SOX5: variants seen among roughly 807,000 people sequenced by gnomAD.
SOX5 encodes the protein SRY-box transcription factor 5.
In SOX5, 9 loss-of-function variants were observed where a neutral mutation model predicts 92.0. The observed-to-expected ratio is 0.10, with a 90% CI of 0.06 to 0.17. The LOEUF (loss-of-function observed/expected upper bound fraction) is 0.17. SOX5 is among the 10% of genes least tolerant of loss of function. The pLI is 1.00. For synonymous variants in SOX5, 344 were observed against 336.3 expected (o/e 1.02, Z -0.25); for missense variants, 642 against 944.5 (o/e 0.68, Z 4.20).
intron 2 of SOX5, among the ~76,000 whole-genome samples, chr12:23,849,280 A>C (rs7138717): frequency 0.11 from 16,326 of 152,266 alleles, 1,206 homozygotes; most frequent in African/African-American, 0.2. Context: ...CATACTTAGA[A>C]ACATTACATT....
intron 6 of SOX5, among the ~76,000 whole-genome samples, chr12:23,710,811 G>A (rs1310361939): frequency 4.6e-5 from 7 of 152,196 alleles, no homozygotes; most frequent in South Asian, 2.1e-4. Context: ...TTGAGGAATC[G>A]CCACACTGTC....
intron 4 of SOX5, among the ~76,000 whole-genome samples, chr12:24,025,905 A>G (rs1954819592): frequency 6.6e-6 from 1 of 152,008 alleles, no homozygotes; most frequent in Non-Finnish European, 1.5e-5. Flanking sequence ...AAACACAGGA[A>G]CTCTGTAAGC....
intron 1 of SOX5, among the ~76,000 whole-genome samples, chr12:24,379,876 C>CTTTTT (rs10652256): frequency 0.22 from 30,095 of 139,554 alleles, 3,647 homozygotes; most frequent in African/African-American, 0.26. Flanking sequence ...CCAGAAGATT[C>CTTTTT]TTTTTTTTTT....
intron 1 of SOX5, among the ~76,000 whole-genome samples, chr12:24,459,356 A>G (rs899622426): frequency 6.6e-6 from 1 of 152,134 alleles, no homozygotes; most frequent in African/African-American, 2.4e-5. Context: ...TCAAAGCTCA[A>G]AGCTAGGTGC....
At chr12:24,443,641 T>C (rs1056406739) in intron 1 of SOX5, among the ~76,000 whole-genome samples, 4 of 152,242 alleles carry the variant, frequency 2.6e-5, no homozygotes, top group Non-Finnish European at 4.4e-5. Flanking sequence ...AGTTTAGAGA[T>C]GTTTGATAAA....
chr12:24,138,199 A>G (rs1736297668), intron 4 of SOX5, among the ~76,000 whole-genome samples: 1 of 152,234 alleles, frequency 6.6e-6, no homozygotes, highest in Non-Finnish European at 1.5e-5. Context: ...CAACTCAGAG[A>G]ACGGAGGCGT....
intron 4 of SOX5, among the ~76,000 whole-genome samples, chr12:24,087,354 ACATT>A (rs1272162748): frequency 2.0e-5 from 3 of 152,100 alleles, no homozygotes; most frequent in African/African-American, 7.2e-5. Context: ...TGTTACACGT[ACATT>A]CAAAGGAATA....
intron 4 of SOX5, among the ~76,000 whole-genome samples, chr12:24,112,659 T>C (rs1418514867): frequency 1.3e-5 from 2 of 151,008 alleles, no homozygotes; most frequent in Non-Finnish European, 2.9e-5. Context: ...GCCTCCTGAG[T>C]AGCTGGGACT....
At chr12:23,950,942 C>A, upstream of SOX5, 1 of 1,396,020 alleles carries the variant, frequency 7.2e-7, no homozygotes, top group South Asian at 1.2e-5. Context: ...ACACACTTAC[C>A]AACAGGAGAT....
chr12:24,243,195 A>G (rs1937827262), intron 3 of SOX5, among the ~76,000 whole-genome samples: 1 of 152,198 alleles, frequency 6.6e-6, no homozygotes, highest in African/African-American at 2.4e-5. Flanking sequence ...TAGCTCATTT[A>G]CCTGATCCTA....
intron 4 of SOX5, among the ~76,000 whole-genome samples, chr12:24,093,759 T>C (rs965942581): frequency 6.6e-6 from 1 of 151,458 alleles, no homozygotes; most frequent in Non-Finnish European, 1.5e-5. Context: ...GGAGCTGATA[T>C]GCTGGTCCTA....
Position 24,534,340 on chromosome 12 carries a change from G to C in SOX5, c.-251+27989C>G, listed in dbSNP as rs756149586. Among the ~76,000 whole-genome samples the C allele has an allele frequency of 2.0e-5, 3 of 151,662 alleles. No homozygotes were observed. In the South Asian group the frequency reaches 6.2e-4, roughly 32 times the overall value. ...AAAAGTGACCAAACTCTTAGACCATGGTGGTAGAAAGTCTTCTTTCTTTGA... is the reference window on the plus strand; with the variant it reads ...AAAAGTGACCAAACTCTTAGACCATCGTGGTAGAAAGTCTTCTTTCTTTGA... On this transcript the variant is annotated intron_variant, in intron 1 of 4. Transcript: ENST00000446891.
intron 3 of SOX5, among the ~76,000 whole-genome samples, chr12:23,783,731 C>T (rs1183913182): frequency 6.6e-6 from 1 of 152,094 alleles, no homozygotes; most frequent in Admixed American, 6.5e-5. Flanking sequence ...TAACTTTACC[C>T]AAATTTTAGG....
intron 3 of SOX5, among the ~76,000 whole-genome samples, chr12:24,215,329 G>A (rs953065430): frequency 8.6e-5 from 13 of 152,034 alleles, no homozygotes; most frequent in African/African-American, 1.9e-4. Flanking sequence ...TGTAGATAAC[G>A]TTATCATTTT....
At chr12:23,591,700 T>C (rs947088711) in intron 9 of SOX5, among the ~76,000 whole-genome samples, 8 of 152,146 alleles carry the variant, frequency 5.3e-5, no homozygotes, top group Non-Finnish European at 1.0e-4. Flanking sequence ...TTGACCTGAA[T>C]ATTGAGCTCC....
chr12:23,697,816 G>T (rs1011527313), intron 6 of SOX5, among the ~76,000 whole-genome samples: 2 of 152,156 alleles, frequency 1.3e-5, no homozygotes, highest in Admixed American at 1.3e-4. Flanking sequence ...CTCCCAAAGT[G>T]CTGGGATTAC....
At chr12:23,680,811 C>T (rs2086500881) in intron 6 of SOX5, among the ~76,000 whole-genome samples, 1 of 151,944 alleles carries the variant, frequency 6.6e-6, no homozygotes, top group South Asian at 2.1e-4. Flanking sequence ...AATATCACAA[C>T]AGTAGTATTA....
chr12:23,582,479 G>A (rs1950180014), intron 9 of SOX5, among the ~76,000 whole-genome samples: 1 of 152,108 alleles, frequency 6.6e-6, no homozygotes, highest in African/African-American at 2.4e-5. Context: ...TACTCGCGTA[G>A]CCATCCCAAC....
intron 1 of SOX5, among the ~76,000 whole-genome samples, chr12:24,525,862 A>C (rs546298836): frequency 6.6e-6 from 1 of 152,040 alleles, no homozygotes; most frequent in African/African-American, 2.4e-5. Flanking sequence ...CTCAAAAAAA[A>C]AAAAGAGTAG....
Sources: allele counts gnomAD v4.1 joint callset (sites outside exome capture counted in the v4.1 genomes callset), GRCh38; gene constraint gnomAD v4.1.1; transcripts MANE v1.5; gene names NCBI Gene and HGNC (gene_info 2026-07-23, HGNC 2026-07-21).